CCDC60: variants seen among roughly 807,000 people sequenced by gnomAD.
CCDC60 encodes coiled-coil domain-containing protein 60.
Under a neutral mutation model 63.5 loss-of-function variants are expected in CCDC60, and 54 were observed. That is an observed-to-expected ratio of 0.85 (90% CI 0.68 to 1.07). The LOEUF is 1.07. Among genes scored for constraint, CCDC60 ranks in the 50% least tolerant of loss-of-function variants. The pLI, the probability that CCDC60 is intolerant of heterozygous loss-of-function variation, is 0.00. For missense variants in CCDC60, 651 were observed against 684.3 expected (o/e 0.95, Z 0.54); for synonymous variants, 206 against 238.8 (o/e 0.86, Z 1.27).
At chr12:119,344,203 G>T (rs779771456) in intron 1 of CCDC60, among the ~76,000 whole-genome samples, 3 of 152,114 alleles carry the variant, frequency 2.0e-5, no homozygotes, top group Non-Finnish European at 4.4e-5. Flanking sequence ...GACAGTTGCA[G>T]CCTCCCCATG....
chr12:119,531,355 C>T (rs1952835946), intron 13 of CCDC60, among the ~76,000 whole-genome samples: 2 of 152,174 alleles, frequency 1.3e-5, no homozygotes, highest in Admixed American at 1.3e-4. Flanking sequence ...ACTCCATGGA[C>T]CAGCAGCATG....
intron 2 of CCDC60, among the ~76,000 whole-genome samples, chr12:119,432,504 T>C (rs1950248613): frequency 6.6e-6 from 1 of 152,204 alleles, no homozygotes; most frequent in South Asian, 2.1e-4. Context: ...TTATCAGCCT[T>C]CAGGTAGATG....
chr12:119,476,634 A>C (rs1276699571), intron 3 of CCDC60, among the ~76,000 whole-genome samples: 1 of 152,126 alleles, frequency 6.6e-6, no homozygotes, highest in East Asian at 1.9e-4. Flanking sequence ...TCAAAATATA[A>C]ATTGCACACA....
At chr12:119,533,594 T>C (rs1373079324) in intron 13 of CCDC60, among the ~76,000 whole-genome samples, 1 of 152,236 alleles carries the variant, frequency 6.6e-6, no homozygotes, top group Non-Finnish European at 1.5e-5. Context: ...TTAATTTTTG[T>C]ATAAGTTGTA....
intron 1 of CCDC60, among the ~76,000 whole-genome samples, chr12:119,352,517 T>C (rs1955666715): frequency 1.3e-5 from 2 of 152,214 alleles, no homozygotes. Context: ...TGCTAATGGA[T>C]GGAGAAGCTA....
intron 12 of CCDC60, among the ~76,000 whole-genome samples, chr12:119,529,273 C>A (rs1952772294): frequency 6.6e-6 from 1 of 152,084 alleles, no homozygotes; most frequent in Non-Finnish European, 1.5e-5. Flanking sequence ...CATAAATTGT[C>A]CATTTTATCC....
chr12:119,520,445 G>A (rs533181864), intron 9 of CCDC60, among the ~76,000 whole-genome samples: 8 of 152,246 alleles, frequency 5.3e-5, no homozygotes, highest in East Asian at 1.9e-4. Flanking sequence ...TGGGGAGGAC[G>A]CGGTACAAGA....
At chr12:119,503,793 C>A (rs1951919040) in intron 6 of CCDC60, among the ~76,000 whole-genome samples, 1 of 152,164 alleles carries the variant, frequency 6.6e-6, no homozygotes, top group Admixed American at 6.5e-5. Flanking sequence ...ATGAATTCTG[C>A]TGAATACAAT....
intron 1 of CCDC60, among the ~76,000 whole-genome samples, chr12:119,385,544 G>A (rs1250046732): frequency 6.6e-6 from 1 of 152,152 alleles, no homozygotes; most frequent in East Asian, 1.9e-4. Flanking sequence ...CGTGCCTTTT[G>A]CCTTCCATCA....
rs1473865469 is a variant in CCDC60, at chr12:119,471,990, C to G, written c.171-4C>G. ...TCTCCCTCTTCCTCCCTGCATGTCT[C>G]CAGCTTTTTGATCCAGTCTGTGAAG... is the stretch of plus-strand genomic sequence containing the variant. On this transcript the variant is annotated splice_region_variant and splice_polypyrimidine_tract_variant and intron_variant, in intron 2 of 13. Transcript: ENST00000327554. The G allele has an allele frequency of 3.7e-6, 6 of 1,612,112 alleles. No homozygotes were observed. The highest frequency in any genetic ancestry group is 5.1e-6 in the Non-Finnish European group (6 of 1,179,214).
chr12:119,524,093 T>C (rs1952610868), intron 11 of CCDC60, among the ~76,000 whole-genome samples: 1 of 151,998 alleles, frequency 6.6e-6, no homozygotes. Context: ...GATGGGGAAA[T>C]CTGGGAAGAC....
chr12:119,360,402 C>T (rs1159161673), intron 1 of CCDC60, among the ~76,000 whole-genome samples: 1 of 151,222 alleles, frequency 6.6e-6, no homozygotes, highest in Admixed American at 6.6e-5. Flanking sequence ...GACCCCCCCA[C>T]CTCCCTCCCG....
intron 1 of CCDC60, among the ~76,000 whole-genome samples, chr12:119,413,864 G>T (rs565775050): frequency 6.6e-6 from 1 of 152,208 alleles, no homozygotes; most frequent in African/African-American, 2.4e-5. Flanking sequence ...TTTACTGAAG[G>T]GTTCACAGAA....
chr12:119,428,567 G>A (rs1221678145), intron 1 of CCDC60, 116 bp from the exon 2 acceptor site: 5 of 664,858 alleles, frequency 7.5e-6, no homozygotes, highest in Non-Finnish European at 1.3e-5. Context: ...TGCTGCCCAG[G>A]ACTCCTTAAA....
intron 7 of CCDC60, among the ~76,000 whole-genome samples, chr12:119,511,860 C>G (rs1285465759): frequency 6.6e-6 from 1 of 152,184 alleles, no homozygotes; most frequent in Admixed American, 6.5e-5. Context: ...AGGGAAGAAA[C>G]TTGGAGAACC....
chr12:119,501,648 G>T (rs1234916518), intron 6 of CCDC60, among the ~76,000 whole-genome samples: 2 of 152,110 alleles, frequency 1.3e-5, no homozygotes, highest in African/African-American at 4.8e-5. Context: ...GCAGAAAGTT[G>T]CTATGGAGAT....
chr12:119,527,662 C>CT (rs1952716549), intron 11 of CCDC60, among the ~76,000 whole-genome samples: 6 of 93,272 alleles, frequency 6.4e-5, no homozygotes, highest in East Asian at 2.8e-4. Context: ...TTCTTTCTTT[C>CT]TTTCTTTTTT....
intron 2 of CCDC60, among the ~76,000 whole-genome samples, chr12:119,457,462 G>T (rs1042376445): frequency 6.6e-6 from 1 of 152,208 alleles, no homozygotes; most frequent in Non-Finnish European, 1.5e-5. Context: ...ATTAGCAAAT[G>T]ACCCAGGGAT....
intron 1 of CCDC60, among the ~76,000 whole-genome samples, chr12:119,415,082 C>T (rs561626875): frequency 2.0e-5 from 3 of 152,322 alleles, no homozygotes; most frequent in South Asian, 2.1e-4. Context: ...TTGTCAGTTT[C>T]GGTGACTTAG....
Sources: gnomAD v4.1 joint callset for allele counts (sites outside exome capture counted in the v4.1 genomes callset) on GRCh38, gnomAD v4.1.1 for gene constraint, MANE v1.5 for transcripts, NCBI Gene and HGNC (gene_info 2026-07-23, HGNC 2026-07-21) for gene names.